The following DGKI variants were observed in gnomAD, a reference collection of about 807,000 sequenced individuals.
DGKI encodes diacylglycerol kinase iota, also known as DAG kinase iota.
Under a neutral mutation model 147.5 loss-of-function variants are expected in DGKI, and 55 were observed. The observed-to-expected ratio is 0.37, with a 90% confidence interval of 0.30 to 0.47. The LOEUF (loss-of-function observed/expected upper bound fraction) is 0.47, where lower values mean the gene tolerates loss of function less well. DGKI is among the 20% of genes least tolerant of loss of function. The pLI is 1.00. For synonymous variants in DGKI, 469 were observed against 477.1 expected (o/e 0.98, Z 0.22); for missense variants, 1,007 against 1,323.8 (o/e 0.76, Z 3.71).
chr7:137,766,446 G>A (rs185950989), intron 1 of DGKI, among the ~76,000 whole-genome samples: 1 of 152,280 alleles, frequency 6.6e-6, no homozygotes, highest in East Asian at 1.9e-4. Flanking sequence ...CAGTCTTCTG[G>A]AAGATGGAAA....
chr7:137,696,853 G>C (rs1242763399), intron 1 of DGKI, among the ~76,000 whole-genome samples: 3 of 152,086 alleles, frequency 2.0e-5, no homozygotes, highest in Non-Finnish European at 4.4e-5. Flanking sequence ...ATCAAGTTAA[G>C]CTGAGGTCAT....
At chr7:137,512,282 G>T (rs1001073555) in intron 21 of DGKI, among the ~76,000 whole-genome samples, 6 of 152,182 alleles carry the variant, frequency 3.9e-5, no homozygotes, top group African/African-American at 1.4e-4. Flanking sequence ...AATGATGCAT[G>T]TGGCCAGTGT....
chr7:137,581,059 AAGAGAG>A (rs143276860), intron 15 of DGKI, among the ~76,000 whole-genome samples: 2 of 151,290 alleles, frequency 1.3e-5, no homozygotes, highest in African/African-American at 4.8e-5. Flanking sequence ...ATGAGACAGA[AAGAGAG>A]AGAGAGAGAG....
At chr7:137,667,004 G>A (rs561244310) in intron 3 of DGKI, among the ~76,000 whole-genome samples, 1 of 152,026 alleles carries the variant, frequency 6.6e-6, no homozygotes, top group African/African-American at 2.4e-5. Flanking sequence ...TCTCAGCTTA[G>A]AAGTCAGTAT....
intron 23 of DGKI, among the ~76,000 whole-genome samples, chr7:137,472,320 T>TAATTATATGTATATACATTAAA (rs57953468): frequency 1.6e-4 from 2 of 12,306 alleles, no homozygotes; most frequent in Non-Finnish European, 3.9e-4. Flanking sequence ...ATACATATAA[T>TAATTATATGTATATACATTAAA]TATTATATGT....
intron 23 of DGKI, among the ~76,000 whole-genome samples, chr7:137,480,500 A>G (rs1815333989): frequency 6.6e-6 from 1 of 152,208 alleles, no homozygotes; most frequent in African/African-American, 2.4e-5. Flanking sequence ...TTAATGGAAT[A>G]CAACATAGGC....
chr7:137,788,990 T>G (rs1472863537), intron 1 of DGKI, among the ~76,000 whole-genome samples: 1 of 152,234 alleles, frequency 6.6e-6, no homozygotes, highest in African/African-American at 2.4e-5. Flanking sequence ...AGTATTTGTT[T>G]AAATGAATTA....
intron 21 of DGKI, among the ~76,000 whole-genome samples, chr7:137,516,066 A>C (rs1816734683): frequency 6.6e-6 from 1 of 152,086 alleles, no homozygotes; most frequent in South Asian, 2.1e-4. Flanking sequence ...ATGGAGGCCT[A>C]ATCTCTACTG....
At chr7:137,702,940 T>G (rs960944313) in intron 1 of DGKI, among the ~76,000 whole-genome samples, 2 of 152,144 alleles carry the variant, frequency 1.3e-5, no homozygotes, top group African/African-American at 4.8e-5. Context: ...GCAAAAATCT[T>G]AAAAGGAAAA....
intron 20 of DGKI, among the ~76,000 whole-genome samples, chr7:137,548,078 T>C (rs1345609884): frequency 6.6e-6 from 1 of 152,150 alleles, no homozygotes; most frequent in African/African-American, 2.4e-5. Flanking sequence ...GGGATTCTTA[T>C]ATCAATCTAA....
chr7:137,807,718 A>C (rs1404988587), intron 1 of DGKI, among the ~76,000 whole-genome samples: 1 of 152,172 alleles, frequency 6.6e-6, no homozygotes, highest in Non-Finnish European at 1.5e-5. Context: ...AACTGGAAAA[A>C]ATAATGGGGC....
At chr7:137,455,639 AGG>A (rs71177903) in intron 27 of DGKI, among the ~76,000 whole-genome samples, 3 of 68,974 alleles carry the variant, frequency 4.3e-5, no homozygotes, top group African/African-American at 1.5e-4. Context: ...TAAAAAAAAA[AGG>A]GGGGGGGGCG....
chr7:137,438,744 T>G (rs1049574307), intron 28 of DGKI, among the ~76,000 whole-genome samples: 1 of 152,182 alleles, frequency 6.6e-6, no homozygotes, highest in African/African-American at 2.4e-5. Flanking sequence ...AATAGAGTAG[T>G]ATACAACATG....
intron 20 of DGKI, among the ~76,000 whole-genome samples, chr7:137,524,325 G>T (rs1054891182): frequency 6.1e-4 from 93 of 152,264 alleles, no homozygotes; most frequent in African/African-American, 2.2e-3. Context: ...CCAACAAGCT[G>T]TTGCAAGTTG....
rs138680865 is a variant in DGKI at position 137,553,771 on chromosome 7, G to C, written c.1948-1203C>G. Among the ~76,000 whole-genome samples the C allele has an allele frequency of 6.4e-3, 981 of 152,136 alleles. 9 individuals are homozygous for C. Among genetic ancestry groups the C allele is most frequent in the African/African-American group, 0.022 (927 of 41,506 alleles). On this transcript the variant is annotated intron_variant, in intron 19 of 32. Coordinates refer to ENST00000614521, the MANE Select transcript of DGKI (RefSeq NM_001321708.2). ...CTTCCTAGTCTATTACACACCTCCC[G>C]CCAACTGACTGGTGAGCAAGAAAGC...
intron 20 of DGKI, among the ~76,000 whole-genome samples, chr7:137,549,319 G>T (rs1015171148): frequency 3.3e-5 from 5 of 152,198 alleles, no homozygotes; most frequent in African/African-American, 1.2e-4. Flanking sequence ...CAGAGATACA[G>T]TCTCCCAGAG....
intron 1 of DGKI, among the ~76,000 whole-genome samples, chr7:137,824,345 C>T (rs28721365): frequency 0.5 from 75,896 of 151,500 alleles, 19,706 homozygotes; most frequent in Middle Eastern, 0.6. Flanking sequence ...GGAGAAACCC[C>T]GTCTCTACTA....
rs373452770 is a variant in DGKI at position 137,412,161 on chromosome 7, A to G, written c.2799+9T>C. 1.2e-6 allele frequency: 2 copies of G among 1,612,504 alleles called. No individual in the cohort carries two copies. Among genetic ancestry groups the G allele is most frequent in the Non-Finnish European group, 1.7e-6 (2 of 1,178,520 alleles). On this transcript the variant is annotated intron_variant, in intron 29 of 32. Transcript: ENST00000614521. Reference sequence around the variant, plus strand: ...GCATCGCCAAAGATTTGGTAGGAAGATATCTTACCTTCATAAGATCACCAG... The same window carrying G: ...GCATCGCCAAAGATTTGGTAGGAAGGTATCTTACCTTCATAAGATCACCAG...
chr7:137,775,541 A>AT (rs1796339434), intron 1 of DGKI, among the ~76,000 whole-genome samples: 1 of 152,212 alleles, frequency 6.6e-6, no homozygotes, highest in Non-Finnish European at 1.5e-5. Flanking sequence ...TCAGGTGATA[A>AT]TATGTATGTC....
Sources: gnomAD v4.1 joint callset for allele counts (sites outside exome capture counted in the v4.1 genomes callset) on GRCh38, gnomAD v4.1.1 for gene constraint, MANE v1.5 for transcripts, NCBI Gene and HGNC (gene_info 2026-07-23, HGNC 2026-07-21) for gene names.